Variants in STK33 observed in about 807,000 individuals in gnomAD.
STK33 encodes serine/threonine-protein kinase 33.
STK33 carries 52 observed loss-of-function variants against 58.0 expected under a neutral mutation model. That is an observed-to-expected ratio of 0.90 (90% confidence interval 0.72 to 1.13). The LOEUF (loss-of-function observed/expected upper bound fraction) is 1.13. Ranked by LOEUF, STK33 falls within the 50% of genes most tolerant of loss-of-function variation. The probability of loss-of-function intolerance (pLI) is 0.00; values close to 1 mark genes in which losing one functional copy is unlikely to be tolerated. For synonymous variants in STK33, 215 were observed against 200.1 expected (o/e 1.07, Z -0.63); for missense variants, 630 against 604.2 (o/e 1.04, Z -0.45).
chr11:8,349,398 C>T, the STK33 span, among the ~76,000 whole-genome samples: 3 of 152,162 alleles, frequency 2.0e-5, no homozygotes, highest in South Asian at 2.1e-4. Context: ...AGAGTTAGTT[C>T]GTTCCTGCTT....
At chr11:8,381,012 G>A in the STK33 span, among the ~76,000 whole-genome samples, 1 of 152,158 alleles carries the variant, frequency 6.6e-6, no homozygotes, top group Admixed American at 6.5e-5. Flanking sequence ...AGGAACTCAG[G>A]AATGGAAAAT....
Position 8,573,851 on chromosome 11 carries a change from T to C in STK33, c.-466+20232A>G, listed in dbSNP as rs555507716. Among the ~76,000 whole-genome samples the C allele has an allele frequency of 2.0e-4, 30 of 152,338 alleles. No homozygotes were observed. In the South Asian group the frequency reaches 3.5e-3, roughly 18 times the overall value. On this transcript the variant is annotated intron_variant, in intron 1 of 15. Coordinates refer to ENST00000687296, the MANE Select transcript of STK33 (RefSeq NM_001352389.2). Reference sequence around the variant, plus strand: ...TACATACTGTATGATTCCATTTATATAACATTCTTGAAATAACAAAATTAT... The same window carrying C: ...TACATACTGTATGATTCCATTTATACAACATTCTTGAAATAACAAAATTAT...
chr11:8,409,072 G>A (rs757537216), intron 15 of STK33, among the ~76,000 whole-genome samples: 1 of 152,210 alleles, frequency 6.6e-6, no homozygotes. Context: ...TCCCAGAAAT[G>A]AGCCAAGGGT....
At chr11:8,343,475 C>T in the STK33 span, among the ~76,000 whole-genome samples, 5 of 152,330 alleles carry the variant, frequency 3.3e-5, no homozygotes, top group Non-Finnish European at 5.9e-5. Context: ...CCTGGCAGGG[C>T]TGTGGCTCAG....
At chr11:8,344,230 C>CACACACACACACACACACACA in the STK33 span, among the ~76,000 whole-genome samples, 6 of 147,502 alleles carry the variant, frequency 4.1e-5, no homozygotes, top group South Asian at 4.2e-4. Context: ...CACACACACA[C>CACACACACACACACACACACA]CCCAGTTAGC....
the STK33 span, among the ~76,000 whole-genome samples, chr11:8,344,872 GC>G: frequency 6.6e-6 from 1 of 152,200 alleles, no homozygotes; most frequent in South Asian, 2.1e-4. Flanking sequence ...TGCAGACCCT[GC>G]CAGGCACCAT....
chr11:8,479,705 T>C (rs2138142520), intron 2 of STK33, among the ~76,000 whole-genome samples: 1 of 152,038 alleles, frequency 6.6e-6, no homozygotes, highest in East Asian at 1.9e-4. Context: ...TAGCCAGTCG[T>C]GGTGGTGTGC....
At chr11:8,380,514 C>A in the STK33 span, among the ~76,000 whole-genome samples, 22 of 148,680 alleles carry the variant, frequency 1.5e-4, no homozygotes, top group Non-Finnish European at 2.7e-4. Flanking sequence ...GAGCCGAGAT[C>A]ATGCCATTGC....
intron 1 of STK33, among the ~76,000 whole-genome samples, chr11:8,564,664 A>T (rs1957335899): frequency 6.6e-6 from 1 of 152,174 alleles, no homozygotes; most frequent in Non-Finnish European, 1.5e-5. Context: ...GCTAAACCAC[A>T]AAAAAGAGGG....
intron 14 of STK33, among the ~76,000 whole-genome samples, chr11:8,426,870 C>T (rs1942835752): frequency 6.6e-6 from 1 of 152,082 alleles, no homozygotes; most frequent in Non-Finnish European, 1.5e-5. Flanking sequence ...TTCCTTCCTA[C>T]TTTAAAAATC....
At chr11:8,384,488 C>T in the STK33 span, among the ~76,000 whole-genome samples, 9 of 152,226 alleles carry the variant, frequency 5.9e-5, no homozygotes, top group Non-Finnish European at 8.8e-5. Context: ...CACAGACATC[C>T]GGAGGCTTAA....
intron 11 of STK33, among the ~76,000 whole-genome samples, chr11:8,443,429 C>G (rs1263418652): frequency 6.6e-6 from 1 of 152,132 alleles, no homozygotes; most frequent in Non-Finnish European, 1.5e-5. Context: ...GAAAACCAGA[C>G]AGATAAACCA....
At chr11:8,553,491 G>C (rs986007421) in intron 1 of STK33, among the ~76,000 whole-genome samples, 1 of 151,530 alleles carries the variant, frequency 6.6e-6, no homozygotes, top group East Asian at 1.9e-4. Flanking sequence ...AATCATATGG[G>C]ACCACCACTG....
chr11:8,385,290 T>C, the STK33 span, among the ~76,000 whole-genome samples: 1 of 152,218 alleles, frequency 6.6e-6, no homozygotes, highest in Admixed American at 6.5e-5. Context: ...AAACACATAA[T>C]CAGACGTCGA....
At chr11:8,515,854 G>A (rs550940858) in intron 1 of STK33, among the ~76,000 whole-genome samples, 137 of 152,118 alleles carry the variant, frequency 9.0e-4, no homozygotes, top group Non-Finnish European at 1.6e-3. Context: ...ACGTAATAAA[G>A]ACCATATATG....
chr11:8,542,546 A>T (rs545510455), intron 1 of STK33, among the ~76,000 whole-genome samples: 2 of 152,290 alleles, frequency 1.3e-5, no homozygotes, highest in South Asian at 4.1e-4. Context: ...GCTGCAAAAC[A>T]TCCAAAATGC....
intron 1 of STK33, among the ~76,000 whole-genome samples, chr11:8,588,607 C>T (rs937678602): frequency 3.9e-5 from 6 of 152,076 alleles, no homozygotes; most frequent in African/African-American, 1.4e-4. Flanking sequence ...ATCTTTATGA[C>T]CTTGTATTAG....
chr11:8,539,640 C>T (rs980634180), intron 1 of STK33, among the ~76,000 whole-genome samples: 5 of 152,178 alleles, frequency 3.3e-5, no homozygotes, highest in South Asian at 2.1e-4. Context: ...GCAAAAGATT[C>T]GAAGAATCTA....
chr11:8,552,121 T>C (rs1956340552), intron 1 of STK33, among the ~76,000 whole-genome samples: 1 of 152,326 alleles, frequency 6.6e-6, no homozygotes, highest in Non-Finnish European at 1.5e-5. Flanking sequence ...CAAAAATGAA[T>C]GTCCACCTCC....
Sources: allele counts gnomAD v4.1 joint callset (sites outside exome capture counted in the v4.1 genomes callset), GRCh38; gene constraint gnomAD v4.1.1; transcripts MANE v1.5; gene names NCBI Gene and HGNC (gene_info 2026-07-23, HGNC 2026-07-21).